ZSWIM9: variants seen among roughly 807,000 people sequenced by gnomAD.
The protein encoded by ZSWIM9 is uncharacterized protein ZSWIM9.
Under a neutral mutation model 25.0 loss-of-function variants are expected in ZSWIM9, and 11 were observed. The ratio of observed to expected loss-of-function variants is 0.44; its 90% CI spans 0.28 to 0.73. The LOEUF (loss-of-function observed/expected upper bound fraction) is 0.73, where lower values mean the gene tolerates loss of function less well. Among genes scored for constraint, ZSWIM9 ranks in the 30% least tolerant of loss-of-function variants. The pLI is 0.16. For missense variants in ZSWIM9, 1,070 were observed against 1,296.5 expected (o/e 0.83, Z 2.68); for synonymous variants, 562 against 582.1 (o/e 0.97, Z 0.50).
Position 48,171,874 on chromosome 19 carries a change from C to T in ZSWIM9, c.72C>T (p.Phe24=). The T allele has an allele frequency of 6.5e-7, 1 of 1,535,656 alleles. No individual in the cohort carries two copies. Among genetic ancestry groups the T allele is most frequent in the Admixed American group, 2.0e-5 (1 of 50,990 alleles). ...AGCAGGAGCTGCGGGAGCGGGCCTT[C>T]TTCTCGTGGGCCGAGTTCAGCCGCT... is the stretch of plus-strand genomic sequence containing the variant. The part of the protein sequence containing the change: ...QEEQELRERA[F]FSWAEFSRFF... Residue 24 remains phenylalanine, a synonymous_variant, in exon 2 of 4, where the codon TTC becomes TTT. Transcript: ENST00000614654.
Position 48,196,357 on chromosome 19 carries a change from G to A in ZSWIM9, c.2293G>A (p.Val765Ile). Residue 765 changes from valine to isoleucine, a missense_variant, in exon 4 of 4, where the codon GTC (valine) becomes ATC (isoleucine). This residue lies in a region of ZSWIM9 where 583 missense variants were observed against 624.7 expected (regional missense o/e 0.93). Coordinates refer to ENST00000614654, the MANE Select transcript of ZSWIM9 (RefSeq NM_199341.4). ...GGRCLGLGNG[V>I]VSGTPVGTVL... ...GCGGTGTCTAGGGCTGGGGAATGGA[G>A]TCGTGTCTGGCACCCCGGTGGGGAC... 8.1e-7 allele frequency: 1 copy of A among 1,232,624 alleles called. No homozygotes were observed. The highest frequency in any genetic ancestry group is 1.0e-6 in the Non-Finnish European group (1 of 988,328). The allele number at this position is 1,232,624 out of a possible 1,614,324, so 76.4% of individuals were successfully genotyped here.
intron 3 of ZSWIM9, chr19:48,186,888 GCCCCTTTCTGT>G (rs1168503607): frequency 1.3e-5 from 2 of 152,316 alleles, no homozygotes; most frequent in African/African-American, 4.8e-5. Flanking sequence ...AAAGCCAGCG[GCCCCTTTCTGT>G]TTCACCCTGT....
At position 48,197,347 on chromosome 19, in the gene ZSWIM9, G is replaced by A. The variant is rs2037181131; in HGVS notation, c.*520G>A. On this transcript the variant is annotated 3_prime_UTR_variant, in exon 4 of 4. Transcript: ENST00000614654. Reference sequence around the variant, plus strand: ...CAAAGAGACAGAAATGAAGACATGAGGAAAAGCTGGGGGAAGCAGGAGAGG... The same window carrying A: ...CAAAGAGACAGAAATGAAGACATGAAGAAAAGCTGGGGGAAGCAGGAGAGG... 1.9e-5 allele frequency: 13 copies of A among 698,076 alleles called. No individual in the cohort carries two copies. Among genetic ancestry groups the A allele is most frequent in the Non-Finnish European group, 2.9e-5 (11 of 382,694 alleles). 43.2% of individuals were successfully genotyped at this position (698,076 alleles called of 1,614,324 possible).
rs1484072531 is a variant in ZSWIM9, at chr19:48,195,480, G to A, written c.1416G>A (p.Leu472=). The A allele has an allele frequency of 1.3e-5, 18 of 1,418,484 alleles. No homozygotes were observed. The highest frequency in any genetic ancestry group is 1.6e-5 in the Non-Finnish European group (17 of 1,093,532). 87.9% of individuals were successfully genotyped at this position (1,418,484 alleles called of 1,614,324 possible). ...GGGAGAACGAGAGGGTGAGGGGCCT[G>A]GAGACAGGCGACTGGGGAGGGGCTC... ...AQGENERVRG[L]ETGDWGGAPK... is the part of the protein sequence containing the mutation. Residue 472 remains leucine (L), a synonymous_variant, in exon 4 of 4, where the codon CTG becomes CTA. Transcript: ENST00000614654. This position sits in a 1 kb window ranked among gnomAD's most constrained non-coding sequence, Gnocchi z 5.8.
chr19:48,174,806 C>T (rs549471631), intron 2 of ZSWIM9: 2 of 152,200 alleles, frequency 1.3e-5, no homozygotes, highest in Non-Finnish European at 2.9e-5. Flanking sequence ...TAATCTGAAA[C>T]CTATTAACAG....
chr19:48,191,231 G>A (rs371894590), intron 3 of ZSWIM9, among the ~76,000 whole-genome samples: 6 of 151,914 alleles, frequency 3.9e-5, no homozygotes, highest in African/African-American at 1.5e-4. Flanking sequence ...TTGAGATGGA[G>A]TCTCTCTCTG....
Position 48,195,018 on chromosome 19 carries a change from C to T in ZSWIM9, c.954C>T (p.Arg318=). The T allele has an allele frequency of 7.3e-7, 1 of 1,366,782 alleles. No individual in the cohort carries two copies. Among genetic ancestry groups the T allele is most frequent in the Non-Finnish European group, 9.4e-7 (1 of 1,067,802 alleles). The allele number at this position is 1,366,782 out of a possible 1,614,324, so 84.7% of individuals were successfully genotyped here. A position where few individuals can be genotyped will look rare whatever the true frequency, so the allele number is the denominator to read the frequency against. ...LLPCARVQIC[R]AQGLETLFSK... The stretch of plus-strand genomic sequence containing the variant: ...CCTGCGCGCGCGTGCAGATCTGCCG[C>T]GCGCAGGGCCTGGAGACGCTCTTCA... The change falls in exon 4 of 4, where the codon CGC becomes CGT. Residue 318 remains arginine (R), a synonymous_variant. Transcript: ENST00000614654. This position sits in a 1 kb window ranked among gnomAD's most constrained non-coding sequence, Gnocchi z 5.8.
chr19:48,195,485 C>G lies in ZSWIM9; in HGVS notation c.1421C>G (p.Thr474Arg). ...AACGAGAGGGTGAGGGGCCTGGAGA[C>G]AGGCGACTGGGGAGGGGCTCCGAAA... is the stretch of plus-strand genomic sequence containing the variant. The part of the protein sequence containing the change: ...GENERVRGLE[T>R]GDWGGAPKEG... The change falls in exon 4 of 4, where the codon ACA becomes AGA. Residue 474 changes from threonine to arginine, a missense_variant. By Grantham distance (71) the Thr-to-Arg change is moderately conservative. This residue lies in a region of ZSWIM9 where 583 missense variants were observed against 624.7 expected (regional missense o/e 0.93). Coordinates refer to ENST00000614654, the MANE Select transcript of ZSWIM9 (RefSeq NM_199341.4). This position sits in a 1 kb window ranked among gnomAD's most constrained non-coding sequence, Gnocchi z 5.8. 1 of 1,414,842 alleles carries G rather than the reference C, an allele frequency of 7.1e-7. No homozygotes were observed. Among genetic ancestry groups the G allele is most frequent in the South Asian group, 1.5e-5 (1 of 65,242 alleles). 87.6% of individuals were successfully genotyped at this position (1,414,842 alleles called of 1,614,324 possible). A position where few individuals can be genotyped will look rare whatever the true frequency, so the allele number is the denominator to read the frequency against.
Position 48,182,831 on chromosome 19 carries a change from G to A in ZSWIM9, c.588+64G>A, listed in dbSNP as rs2036966489. On this transcript the variant is annotated intron_variant, in intron 3 of 3. Coordinates refer to ENST00000614654, the MANE Select transcript of ZSWIM9 (RefSeq NM_199341.4). The surrounding 1 kb of genome is among the most constrained non-coding windows in gnomAD (Gnocchi z 4.6). ...GGGAAAGCCGCGCTGAAGACTCGTG[G>A]GTCATTCATGCCTTCATCCGCCCTC... 8.4e-7 allele frequency: 1 copy of A among 1,195,130 alleles called. No individual in the cohort carries two copies. Among genetic ancestry groups the A allele is most frequent in the Admixed American group, 2.4e-5 (1 of 41,872 alleles). 74.0% of individuals were successfully genotyped at this position (1,195,130 alleles called of 1,614,324 possible). A position where few individuals can be genotyped will look rare whatever the true frequency, so the allele number is the denominator to read the frequency against.
At chr19:48,191,690 CT>C (rs2123410963) in intron 3 of ZSWIM9, among the ~76,000 whole-genome samples, 1 of 152,304 alleles carries the variant, frequency 6.6e-6, no homozygotes, top group Non-Finnish European at 1.5e-5. Context: ...ATGGCAGATG[CT>C]TCCCCGTGCT....
rs2036969100 is a variant in ZSWIM9, at chr19:48,182,982, G to C, written c.588+215G>C. ...TGTCCGCAGAGAGCTTACCTTCTAGGGTAGTGCTGCCCAGTAGAACTTTCT... is the reference window on the plus strand; with the variant it reads ...TGTCCGCAGAGAGCTTACCTTCTAGCGTAGTGCTGCCCAGTAGAACTTTCT... On this transcript the variant is annotated intron_variant, in intron 3 of 3. Transcript: ENST00000614654. The surrounding 1 kb of genome is among the most constrained non-coding windows in gnomAD (Gnocchi z 4.6). The C allele has an allele frequency of 1.7e-6, 1 of 575,102 alleles. No individual in the cohort carries two copies. Among genetic ancestry groups the C allele is most frequent in the African/African-American group, 1.9e-5 (1 of 53,194 alleles). The allele number at this position is 575,102 out of a possible 1,614,324, so 35.6% of individuals were successfully genotyped here. A position where few individuals can be genotyped will look rare whatever the true frequency, so the allele number is the denominator to read the frequency against.
At chr19:48,191,123 T>TGTGTGTGTGTGC (rs888789766) in intron 3 of ZSWIM9, among the ~76,000 whole-genome samples, 3 of 150,986 alleles carry the variant, frequency 2.0e-5, no homozygotes, top group African/African-American at 7.4e-5. Context: ...TGTGTGTGTG[T>TGTGTGTGTGTGC]GTGCAGAATG....
chr19:48,180,102 C>T (rs373003410), intron 2 of ZSWIM9, among the ~76,000 whole-genome samples: 14 of 151,980 alleles, frequency 9.2e-5, no homozygotes, highest in South Asian at 2.1e-4. Context: ...CCGCAACGTC[C>T]GCCTCCTGGG....
chr19:48,176,874 G>T (rs2123190777), intron 2 of ZSWIM9, among the ~76,000 whole-genome samples: 1 of 151,696 alleles, frequency 6.6e-6, no homozygotes, highest in South Asian at 2.1e-4. Context: ...GACCAGCCTG[G>T]GCAACATGGT....
At chr19:48,181,854 A>G (rs1277745736) in intron 2 of ZSWIM9, 3 of 152,246 alleles carry the variant, frequency 2.0e-5, no homozygotes, top group African/African-American at 4.8e-5. Flanking sequence ...TTTCACGTAT[A>G]CAATGCTTTT....
intron 3 of ZSWIM9, among the ~76,000 whole-genome samples, chr19:48,185,809 A>G (rs911349075): frequency 1.3e-5 from 2 of 152,190 alleles, no homozygotes; most frequent in African/African-American, 4.8e-5. Flanking sequence ...CAACATGGCA[A>G]AACCTGATCT....
At chr19:48,178,508 C>T (rs867270992) in intron 2 of ZSWIM9, among the ~76,000 whole-genome samples, 19 of 152,116 alleles carry the variant, frequency 1.2e-4, no homozygotes, top group African/African-American at 3.6e-4. Flanking sequence ...TACCAGGCCC[C>T]GGGCAGTCTG....
chr19:48,196,468 G>T lies in ZSWIM9; in HGVS notation c.2404G>T (p.Gly802Cys), dbSNP rs948469455. The T allele has an allele frequency of 8.1e-7, 1 of 1,232,754 alleles. No homozygotes were observed. 76.4% of individuals were successfully genotyped at this position (1,232,754 alleles called of 1,614,324 possible). A position where few individuals can be genotyped will look rare whatever the true frequency, so the allele number is the denominator to read the frequency against. Residue 802 changes from glycine (G) to cysteine (C), a missense_variant, in exon 4 of 4, where the codon GGC (glycine) becomes TGC (cysteine). Transcript: ENST00000614654. ...GDGLQEGGEDGPREPKRLCRP... is the reference protein window; with the variant it reads ...GDGLQEGGEDCPREPKRLCRP... ...CGGCCTGCAGGAAGGAGGCGAAGATGGCCCCAGGGAACCAAAGAGGCTTTG... is the reference window on the plus strand; with the variant it reads ...CGGCCTGCAGGAAGGAGGCGAAGATTGCCCCAGGGAACCAAAGAGGCTTTG...
chr19:48,176,661 G>A (rs556899386), intron 2 of ZSWIM9, among the ~76,000 whole-genome samples: 52 of 152,184 alleles, frequency 3.4e-4, no homozygotes, highest in African/African-American at 1.2e-3. Context: ...CTGGGCACCA[G>A]CCTATCCATC....
Sources: allele counts gnomAD v4.1 joint callset (sites outside exome capture counted in the v4.1 genomes callset), GRCh38; gene constraint gnomAD v4.1.1; regional missense constraint gnomAD v4.1.1; non-coding constraint Gnocchi (gnomAD v3.1); transcripts MANE v1.5; gene names NCBI Gene and HGNC (gene_info 2026-07-23, HGNC 2026-07-21).